RNF150: variants seen among roughly 807,000 people sequenced by gnomAD.
RNF150 encodes the protein ring finger protein 150.
In RNF150, 24 loss-of-function variants were observed where a neutral mutation model predicts 39.3. The observed-to-expected ratio is 0.61, with a 90% confidence interval of 0.44 to 0.86. The LOEUF is 0.86. Ranked by LOEUF, RNF150 falls within the 40% of genes least tolerant of loss-of-function variation. RNF150 has a pLI of 0.00. For missense variants in RNF150, 502 were observed against 587.8 expected (o/e 0.85, Z 1.51); for synonymous variants, 255 against 227.3 (o/e 1.12, Z -1.10).
intron 1 of RNF150, among the ~76,000 whole-genome samples, chr4:141,211,577 A>C (rs920517170): frequency 2.6e-5 from 4 of 152,174 alleles, no homozygotes; most frequent in African/African-American, 9.7e-5. Flanking sequence ...TCTGCTTTAA[A>C]AGCACTAAGG....
chr4:141,167,477 A>C (rs937187165), intron 1 of RNF150, among the ~76,000 whole-genome samples: 4 of 151,550 alleles, frequency 2.6e-5, no homozygotes, highest in Non-Finnish European at 5.9e-5. Context: ...AAAGGAGCCC[A>C]TATAGCCAAG....
chr4:141,211,680 GT>G (rs33921054), intron 1 of RNF150, among the ~76,000 whole-genome samples: 5 of 148,496 alleles, frequency 3.4e-5, no homozygotes, highest in African/African-American at 9.9e-5. Flanking sequence ...AACTTACTTT[GT>G]TTTTTTTTTG....
intron 1 of RNF150, among the ~76,000 whole-genome samples, chr4:141,065,508 A>G (rs1430647610): frequency 1.3e-5 from 2 of 152,120 alleles, no homozygotes; most frequent in Non-Finnish European, 2.9e-5. Context: ...CTGCTTAGTT[A>G]ACTTAAGAGG....
chr4:141,049,311 A>T (rs532890652), intron 1 of RNF150, among the ~76,000 whole-genome samples: 16 of 151,390 alleles, frequency 1.1e-4, no homozygotes, highest in Middle Eastern at 3.4e-3. Context: ...ATCCAGAGAT[A>T]AAAAAAAGGA....
intron 1 of RNF150, among the ~76,000 whole-genome samples, chr4:140,971,959 G>A (rs2111434679): frequency 6.6e-6 from 1 of 151,850 alleles, no homozygotes; most frequent in Admixed American, 6.6e-5. Context: ...TCAACCTCCT[G>A]TATTCTTTTC....
intron 1 of RNF150, among the ~76,000 whole-genome samples, chr4:141,178,241 T>C: frequency 6.6e-6 from 1 of 151,662 alleles, no homozygotes; most frequent in Non-Finnish European, 1.5e-5. Context: ...TATGTGTGTG[T>C]GTATGTGTGT....
chr4:141,190,091 G>C (rs1237455504), intron 1 of RNF150, among the ~76,000 whole-genome samples: 1 of 152,134 alleles, frequency 6.6e-6, no homozygotes, highest in African/African-American at 2.4e-5. Context: ...GTAGTTCACT[G>C]GCCCCTTGCA....
intron 5 of RNF150, among the ~76,000 whole-genome samples, chr4:140,922,242 T>C (rs1301041488): frequency 1.3e-5 from 2 of 151,412 alleles, no homozygotes; most frequent in African/African-American, 2.4e-5. Context: ...CCCAAAATCT[T>C]CTTAAGCTGA....
intron 1 of RNF150, among the ~76,000 whole-genome samples, chr4:140,975,155 C>T (rs537755207): frequency 3.1e-4 from 47 of 152,120 alleles, no homozygotes; most frequent in African/African-American, 1.1e-3. Flanking sequence ...ACTTGGGAGC[C>T]TGAGGTGGGA....
intron 6 of RNF150, among the ~76,000 whole-genome samples, chr4:140,875,296 G>A (rs1233743725): frequency 8.6e-5 from 13 of 151,260 alleles, no homozygotes; most frequent in Admixed American, 2.6e-4. Flanking sequence ...AGCCTTCTAA[G>A]TAGCTGGGGC....
At chr4:141,053,888 G>A (rs1254353449) in intron 1 of RNF150, among the ~76,000 whole-genome samples, 1 of 152,104 alleles carries the variant, frequency 6.6e-6, no homozygotes, top group Non-Finnish European at 1.5e-5. Context: ...TCTCACCAGG[G>A]AGTATGACAA....
intron 1 of RNF150, among the ~76,000 whole-genome samples, chr4:141,091,046 G>A (rs1239840229): frequency 6.6e-6 from 1 of 152,184 alleles, no homozygotes; most frequent in Non-Finnish European, 1.5e-5. Flanking sequence ...GTAGTAACTT[G>A]AAGGAAAAAT....
At chr4:141,101,010 G>A (rs1738988677) in intron 1 of RNF150, among the ~76,000 whole-genome samples, 1 of 152,202 alleles carries the variant, frequency 6.6e-6, no homozygotes, top group Non-Finnish European at 1.5e-5. Context: ...TGAGTGAGTG[G>A]TGGGTGAATA....
chr4:141,107,256 T>C (rs1300739446), intron 1 of RNF150, among the ~76,000 whole-genome samples: 1 of 152,254 alleles, frequency 6.6e-6, no homozygotes, highest in Non-Finnish European at 1.5e-5. Context: ...CCTATTGCTT[T>C]GCTTTATTAG....
intron 1 of RNF150, among the ~76,000 whole-genome samples, chr4:141,152,250 G>T (rs1578768963): frequency 1.3e-5 from 2 of 152,134 alleles, no homozygotes; most frequent in Non-Finnish European, 2.9e-5. Flanking sequence ...CAGCCATGTT[G>T]CTTTTGTCCC....
At chr4:141,202,969 G>C (rs549510974) in intron 1 of RNF150, among the ~76,000 whole-genome samples, 3 of 151,260 alleles carry the variant, frequency 2.0e-5, no homozygotes, top group Admixed American at 6.6e-5. Context: ...TGTTTTTTGT[G>C]AAAATGCTGA....
intron 1 of RNF150, among the ~76,000 whole-genome samples, chr4:141,008,765 C>T (rs1027109507): frequency 6.6e-6 from 1 of 152,038 alleles, no homozygotes; most frequent in Non-Finnish European, 1.5e-5. Context: ...CTCTGTCTAC[C>T]CTTGCACCAA....
chr4:141,093,571 G>A lies in RNF150; in HGVS notation c.484+38754C>T, dbSNP rs184121009. 3.3e-5 allele frequency among the ~76,000 whole-genome samples: 5 copies of A among 152,278 alleles called. No homozygotes were observed. The East Asian group carries it at 9.7e-4, about 29-fold the overall frequency. On this transcript the variant is annotated intron_variant, in intron 1 of 6. Coordinates refer to ENST00000515673, the MANE Select transcript of RNF150 (RefSeq NM_020724.2). ...CCACAGGCACAGATTTACATGGACG[G>A]GACTTAAGTTGACCCTCTGGGGTAA...
At chr4:140,942,058 GA>G (rs546890850) in intron 4 of RNF150, among the ~76,000 whole-genome samples, 118 of 152,302 alleles carry the variant, frequency 7.7e-4, no homozygotes, top group African/African-American at 2.7e-3. Flanking sequence ...ACGTTCTAGA[GA>G]TGGACAGTGG....
Sources: allele counts gnomAD v4.1 joint callset (sites outside exome capture counted in the v4.1 genomes callset), GRCh38; gene constraint gnomAD v4.1.1; transcripts MANE v1.5; gene names NCBI Gene and HGNC (gene_info 2026-07-23, HGNC 2026-07-21).